Variants in SNCAIP observed in about 807,000 individuals in gnomAD.
SNCAIP encodes the protein synphilin-1.
Under a neutral mutation model 86.7 loss-of-function variants are expected in SNCAIP, and 43 were observed. The ratio of observed to expected loss-of-function variants is 0.50; its 90% CI spans 0.39 to 0.64. SNCAIP has a LOEUF of 0.64. Ranked by LOEUF, SNCAIP falls within the 30% of genes least tolerant of loss-of-function variation. The pLI, the probability that SNCAIP is intolerant of heterozygous loss-of-function variation, is 0.00. For synonymous variants in SNCAIP, 417 were observed against 427.2 expected (o/e 0.98, Z 0.29); for missense variants, 981 against 1,103.1 (o/e 0.89, Z 1.57).
intron 1 of SNCAIP, chr5:122,321,356 C>T (rs1376764700): frequency 1.3e-5 from 2 of 152,084 alleles, no homozygotes; most frequent in Non-Finnish European, 2.9e-5. Flanking sequence ...AATGTGGCCA[C>T]AGGTGGCTGG....
At chr5:122,349,492 A>C (rs1202661991) in intron 1 of SNCAIP, among the ~76,000 whole-genome samples, 5 of 152,200 alleles carry the variant, frequency 3.3e-5, no homozygotes, top group Admixed American at 6.5e-5. Context: ...TAATACATAG[A>C]AACTTTCAAG....
intron 4 of SNCAIP, 130 bp downstream of exon 4, chr5:122,423,869 T>G: frequency 2.6e-6 from 2 of 782,624 alleles, no homozygotes; most frequent in Non-Finnish European, 4.1e-6. Flanking sequence ...GTGGCTTTAG[T>G]TGGGAGATGT....
At chr5:122,322,521 C>T (rs947869927) in intron 1 of SNCAIP, among the ~76,000 whole-genome samples, 1 of 152,190 alleles carries the variant, frequency 6.6e-6, no homozygotes, top group African/African-American at 2.4e-5. Flanking sequence ...AAGGTCTAAC[C>T]TCAGTTTTAC....
intron 2 of SNCAIP, 98 bp from the exon 3 acceptor site, chr5:122,403,695 C>T (rs962091778): frequency 1.0e-6 from 1 of 952,952 alleles, no homozygotes; most frequent in African/African-American, 1.6e-5. Context: ...ATGTTGTGCC[C>T]AAGTATCACT....
At chr5:122,354,211 T>C (rs1760534505) in intron 1 of SNCAIP, among the ~76,000 whole-genome samples, 1 of 152,234 alleles carries the variant, frequency 6.6e-6, no homozygotes, top group South Asian at 2.1e-4. Flanking sequence ...TTAATCTTCC[T>C]ATTTCAGAAT....
chr5:122,380,291 T>G (rs1763143315), intron 1 of SNCAIP, among the ~76,000 whole-genome samples: 1 of 152,216 alleles, frequency 6.6e-6, no homozygotes, highest in Non-Finnish European at 1.5e-5. Flanking sequence ...GTCGAGGAAT[T>G]TATCCATTTC....
intron 5 of SNCAIP, among the ~76,000 whole-genome samples, chr5:122,429,942 C>G (rs1157947558): frequency 1.3e-5 from 2 of 152,138 alleles, no homozygotes. Context: ...TAGAGAGGGC[C>G]TCAAACTCAC....
chr5:122,345,120 A>T (rs1356415708), intron 1 of SNCAIP, among the ~76,000 whole-genome samples: 1 of 152,296 alleles, frequency 6.6e-6, no homozygotes, highest in Non-Finnish European at 1.5e-5. Context: ...ATTTTATATG[A>T]CAAGAATCAC....
chr5:122,428,208 C>T (rs538602943), intron 5 of SNCAIP, among the ~76,000 whole-genome samples: 5 of 152,208 alleles, frequency 3.3e-5, no homozygotes, highest in African/African-American at 4.8e-5. Context: ...CTGGATATAA[C>T]GTGACTTCAA....
At chr5:122,335,358 A>G (rs972691000) in intron 1 of SNCAIP, among the ~76,000 whole-genome samples, 1 of 152,230 alleles carries the variant, frequency 6.6e-6, no homozygotes, top group East Asian at 1.9e-4. Context: ...CAAAACAATC[A>G]TTGGGCTAAA....
intron 1 of SNCAIP, among the ~76,000 whole-genome samples, chr5:122,334,651 G>A (rs950776951): frequency 1.3e-5 from 2 of 152,162 alleles, no homozygotes; most frequent in Non-Finnish European, 2.9e-5. Flanking sequence ...CATTTTAACA[G>A]CAAAGCCTAG....
At chr5:122,367,869 T>TAC (rs1763492642) in intron 1 of SNCAIP, among the ~76,000 whole-genome samples, 1 of 151,078 alleles carries the variant, frequency 6.6e-6, no homozygotes, top group African/African-American at 2.4e-5. Context: ...GTGCATAAAT[T>TAC]ATATATATAT....
At chr5:122,312,116 G>C (rs1341938915), upstream of SNCAIP, 3 of 148,374 alleles carry the variant, frequency 2.0e-5, no homozygotes, top group Admixed American at 2.0e-4. Flanking sequence ...TGGGGGGCCC[G>C]GGGAGCGGCG....
intron 3 of SNCAIP, among the ~76,000 whole-genome samples, chr5:122,413,589 C>T (rs187063676): frequency 3.8e-4 from 58 of 152,238 alleles, no homozygotes; most frequent in African/African-American, 1.4e-3. Flanking sequence ...TTCATTCACT[C>T]CTGCACCCCT....
intron 1 of SNCAIP, among the ~76,000 whole-genome samples, chr5:122,352,050 GTGTT>G (rs1195406303): frequency 6.6e-6 from 1 of 152,190 alleles, no homozygotes; most frequent in Non-Finnish European, 1.5e-5. Flanking sequence ...TGGATGCTCA[GTGTT>G]TGTTAATTAT....
chr5:122,375,723 G>A (rs1431079509), intron 1 of SNCAIP, among the ~76,000 whole-genome samples: 2 of 151,768 alleles, frequency 1.3e-5, no homozygotes, highest in East Asian at 3.9e-4. Context: ...TCTATCTCTT[G>A]TATAGCACAA....
At chr5:122,434,728 C>T (rs925663657) in intron 6 of SNCAIP, among the ~76,000 whole-genome samples, 4 of 152,120 alleles carry the variant, frequency 2.6e-5, no homozygotes, top group African/African-American at 4.8e-5. Flanking sequence ...ATCCTACATC[C>T]GCCACAGCCA....
chr5:122,429,218 G>A (rs918299324), intron 5 of SNCAIP, among the ~76,000 whole-genome samples: 3 of 151,782 alleles, frequency 2.0e-5, no homozygotes, highest in Non-Finnish European at 4.4e-5. Context: ...AAAAGAGGAG[G>A]AGAGGAAAGT....
At chr5:122,417,952 A>G (rs1775644013) in intron 3 of SNCAIP, among the ~76,000 whole-genome samples, 1 of 152,238 alleles carries the variant, frequency 6.6e-6, no homozygotes, top group South Asian at 2.1e-4. Flanking sequence ...AGGTATGTGC[A>G]GGTATTATCA....
Sources: allele counts gnomAD v4.1 joint callset (sites outside exome capture counted in the v4.1 genomes callset), GRCh38; gene constraint gnomAD v4.1.1; transcripts MANE v1.5; gene names NCBI Gene and HGNC (gene_info 2026-07-23, HGNC 2026-07-21).